The following CNTN5 variants were observed in gnomAD, a reference collection of about 807,000 sequenced individuals.
The protein encoded by CNTN5 is contactin-5.
CNTN5 carries 77 observed loss-of-function variants against 129.1 expected under a neutral mutation model. That is an observed-to-expected ratio of 0.60 (90% CI 0.50 to 0.72). CNTN5 has a LOEUF of 0.72. CNTN5 is among the 30% of genes least tolerant of loss of function. The pLI, the probability that CNTN5 is intolerant of heterozygous loss-of-function variation, is 0.00. For synonymous variants in CNTN5, 509 were observed against 465.6 expected, an observed-to-expected ratio of 1.09 and a Z score of -1.20; for missense variants, 1,478 against 1,328.8, an observed-to-expected ratio of 1.11 and a Z score of -1.75.
At chr11:99,332,106 C>G (rs759824555) in intron 2 of CNTN5, among the ~76,000 whole-genome samples, 7 of 151,826 alleles carry the variant, frequency 4.6e-5, no homozygotes, top group Non-Finnish European at 1.0e-4. Context: ...CAATAGCTAA[C>G]TGATAGAACT....
chr11:100,337,634 A>G, intron 21 of CNTN5: 1 of 688,282 alleles, frequency 1.5e-6, no homozygotes. Flanking sequence ...AACGGGAACT[A>G]ATTGGGTACC....
chr11:99,421,305 C>T (rs1942878502), intron 2 of CNTN5, among the ~76,000 whole-genome samples: 1 of 151,998 alleles, frequency 6.6e-6, no homozygotes, highest in Non-Finnish European at 1.5e-5. Context: ...AAGATAACTT[C>T]TACTAGTGAA....
intron 18 of CNTN5, among the ~76,000 whole-genome samples, chr11:100,277,332 T>C (rs1024386281): frequency 3.3e-5 from 5 of 152,182 alleles, no homozygotes; most frequent in Non-Finnish European, 7.4e-5. Context: ...TCTTTGGATA[T>C]ATACCTAGGA....
rs373505637 is a variant in CNTN5, at chr11:99,428,188, C to T, written c.-71+102704C>T. On this transcript the variant is annotated intron_variant, in intron 2 of 24. Coordinates refer to ENST00000524871, the MANE Select transcript of CNTN5 (RefSeq NM_014361.4). ...TTCTTTACAACTGCCTTATTTACTA[C>T]TTCCTTTTACCTTGTTTTATAAACA... 1.3e-4 allele frequency among the ~76,000 whole-genome samples: 20 copies of T among 152,218 alleles called. No individual in the cohort carries two copies. In the East Asian group the frequency reaches 1.3e-3, roughly 10 times the overall value.
chr11:99,493,217 G>A (rs1018385641), intron 2 of CNTN5, among the ~76,000 whole-genome samples: 1 of 152,152 alleles, frequency 6.6e-6, no homozygotes, highest in South Asian at 2.1e-4. Flanking sequence ...AGTTAAGTTT[G>A]TTTCTTTCTT....
chr11:100,045,237 C>G (rs1942605960), intron 9 of CNTN5, among the ~76,000 whole-genome samples: 1 of 151,926 alleles, frequency 6.6e-6, no homozygotes, highest in South Asian at 2.1e-4. Context: ...TAGGCAGAAG[C>G]CAGGAAGTCA....
chr11:99,763,013 T>G (rs1591119818), intron 3 of CNTN5, among the ~76,000 whole-genome samples: 1 of 152,252 alleles, frequency 6.6e-6, no homozygotes, highest in East Asian at 1.9e-4. Context: ...ATAGCCCAAA[T>G]CTATGCCAGT....
chr11:99,562,573 A>C (rs1435590221), intron 3 of CNTN5, among the ~76,000 whole-genome samples: 3 of 152,208 alleles, frequency 2.0e-5, no homozygotes, highest in Non-Finnish European at 4.4e-5. Flanking sequence ...GGTTATGAAT[A>C]CATGAGAATT....
intron 15 of CNTN5, among the ~76,000 whole-genome samples, chr11:100,215,804 C>A (rs1326271350): frequency 1.3e-5 from 2 of 151,960 alleles, no homozygotes. Context: ...AGGGCAGGGG[C>A]AGAATCAATG....
intron 6 of CNTN5, among the ~76,000 whole-genome samples, chr11:99,864,891 A>G (rs149650090): frequency 3.0e-4 from 46 of 152,314 alleles, no homozygotes; most frequent in Middle Eastern, 3.4e-3. Context: ...TGTTTCCACT[A>G]AAAGGTATAA....
intron 1 of CNTN5, among the ~76,000 whole-genome samples, chr11:99,264,451 G>T (rs1402392744): frequency 2.0e-5 from 3 of 151,770 alleles, no homozygotes; most frequent in Non-Finnish European, 4.4e-5. Flanking sequence ...TACCATCCTC[G>T]GATTGTGAGA....
At chr11:99,802,528 A>T (rs577220020) in intron 3 of CNTN5, among the ~76,000 whole-genome samples, 1 of 152,298 alleles carries the variant, frequency 6.6e-6, no homozygotes, top group Non-Finnish European at 1.5e-5. Flanking sequence ...AAACCTTCTC[A>T]GTTCCATGTT....
chr11:99,659,657 G>C (rs761348475), intron 3 of CNTN5, among the ~76,000 whole-genome samples: 1 of 152,106 alleles, frequency 6.6e-6, no homozygotes, highest in Admixed American at 6.6e-5. Context: ...TCTGGAAGTA[G>C]AATTCTCCCT....
At chr11:100,349,099 G>T (rs1952348235) in intron 23 of CNTN5, among the ~76,000 whole-genome samples, 2 of 151,766 alleles carry the variant, frequency 1.3e-5, no homozygotes, top group South Asian at 2.1e-4. Context: ...ATTAAATGGA[G>T]AATTCACTTC....
At chr11:99,818,924 A>G (rs958661353) in intron 3 of CNTN5, among the ~76,000 whole-genome samples, 22 of 152,108 alleles carry the variant, frequency 1.4e-4, no homozygotes, top group Non-Finnish European at 3.1e-4. Flanking sequence ...TTTTTTATGT[A>G]CCAGAGTGAA....
chr11:99,858,438 TAAAG>T (rs1948105782), intron 6 of CNTN5, among the ~76,000 whole-genome samples: 5 of 152,026 alleles, frequency 3.3e-5, no homozygotes, highest in Admixed American at 6.6e-5. Flanking sequence ...GGATGTTTAT[TAAAG>T]AAAATCTCTA....
chr11:99,267,998 C>T (rs1027436254), intron 1 of CNTN5, among the ~76,000 whole-genome samples: 2 of 150,354 alleles, frequency 1.3e-5, no homozygotes, highest in African/African-American at 4.9e-5. Context: ...GCAAGTTGAA[C>T]CAAGAGCATG....
At chr11:99,048,355 A>T (rs1864296955) in intron 1 of CNTN5, among the ~76,000 whole-genome samples, 1 of 152,154 alleles carries the variant, frequency 6.6e-6, no homozygotes, top group African/African-American at 2.4e-5. Context: ...CTATGGCATC[A>T]ATCACTGCAA....
At chr11:100,214,259 T>C (rs1949094719) in intron 15 of CNTN5, among the ~76,000 whole-genome samples, 1 of 152,214 alleles carries the variant, frequency 6.6e-6, no homozygotes. Context: ...CCAATATGCG[T>C]ATTCCATAGA....
Sources: gnomAD v4.1 joint callset for allele counts (sites outside exome capture counted in the v4.1 genomes callset) on GRCh38, gnomAD v4.1.1 for gene constraint, MANE v1.5 for transcripts, NCBI Gene and HGNC (gene_info 2026-07-23, HGNC 2026-07-21) for gene names.